Variants in PCDHA2 observed in about 807,000 individuals in gnomAD.
PCDHA2 encodes the protein protocadherin alpha-2.
PCDHA2 carries 58 observed loss-of-function variants against 66.0 expected under a neutral mutation model. That is an observed-to-expected ratio of 0.88 (90% CI 0.71 to 1.09). PCDHA2 has a LOEUF of 1.09. Among genes scored for constraint, PCDHA2 ranks in the 50% least tolerant of loss-of-function variants. PCDHA2 has a pLI of 0.00. For synonymous variants in PCDHA2, 634 were observed against 554.0 expected, an observed-to-expected ratio of 1.14 and a Z score of -2.03; for missense variants, 1,267 against 1,242.3, an observed-to-expected ratio of 1.02 and a Z score of -0.30.
At chr5:140,870,977 T>C in intron 1 of PCDHA2, 2 of 1,613,584 alleles carry the variant, frequency 1.2e-6, no homozygotes. Context: ...CGCGTGGGGC[T>C]GTACACGGGC....
chr5:140,985,739 CTTTTT>C (rs11372071), intron 3 of PCDHA2, among the ~76,000 whole-genome samples: 1 of 117,916 alleles, frequency 8.5e-6, no homozygotes, highest in Non-Finnish European at 1.7e-5. Context: ...TGATGAATTC[CTTTTT>C]TTTTTTTTTT....
Position 140,796,075 on chromosome 5 carries a change from C to G in PCDHA2, c.1111C>G (p.Leu371Val), listed in dbSNP as rs782104622. ...ENASLGTVIA[L>V]ITVSDRDSGT... ...CGCTTCCCTGGGCACTGTCATTGCTCTCATCACGGTGTCGGATCGCGACTC... is the reference window on the plus strand; with the variant it reads ...CGCTTCCCTGGGCACTGTCATTGCTGTCATCACGGTGTCGGATCGCGACTC... Residue 371 changes from leucine to valine, a missense_variant, in exon 1 of 4, where the codon CTC (leucine) becomes GTC (valine). Leu to Val is a conservative substitution (Grantham distance 32, BLOSUM62 1). Coordinates refer to ENST00000526136, the MANE Select transcript of PCDHA2 (RefSeq NM_018905.3). 5 of 1,614,104 alleles carry G rather than the reference C, an allele frequency of 3.1e-6. No individual in the cohort carries two copies. The Admixed American group carries it at 5.0e-5, about 16-fold the overall frequency.
chr5:140,847,746 C>A (rs145193370), intron 1 of PCDHA2: 2 of 149,840 alleles, frequency 1.3e-5, no homozygotes, highest in Non-Finnish European at 3.0e-5. Context: ...TTTCTCCCCA[C>A]GCAACACAAG....
intron 1 of PCDHA2, chr5:140,859,840 A>G (rs989673306): frequency 6.6e-6 from 1 of 152,134 alleles, no homozygotes; most frequent in South Asian, 2.1e-4. Flanking sequence ...TTGTTATTTT[A>G]TCAAATAGGT....
chr5:140,828,280 G>T, intron 1 of PCDHA2: 2 of 1,614,102 alleles, frequency 1.2e-6, no homozygotes, highest in Non-Finnish European at 1.7e-6. Context: ...TGCCGCGCCT[G>T]TTCAGGATGG....
rs146722772 is a variant in PCDHA2, at chr5:140,848,558, C to T, written c.2388+51206C>T. ...CTCTACTGCTCTCGCTTCTGATCCTCGCAATGTGGGTGGTGGGGAGCGGCC... is the reference window on the plus strand; with the variant it reads ...CTCTACTGCTCTCGCTTCTGATCCTTGCAATGTGGGTGGTGGGGAGCGGCC... On this transcript the variant is annotated intron_variant, in intron 1 of 3. Coordinates refer to ENST00000526136, the MANE Select transcript of PCDHA2 (RefSeq NM_018905.3). 8.8e-6 allele frequency: 14 copies of T among 1,595,498 alleles called. 1 individual carries two copies. In the African/African-American group the frequency reaches 1.6e-4, roughly 18 times the overall value.
chr5:140,967,472 G>A, intron 1 of PCDHA2: 1 of 1,613,430 alleles, frequency 6.2e-7, no homozygotes, highest in Non-Finnish European at 8.5e-7. Flanking sequence ...GGGCATCCCA[G>A]CCCGCTCGGG....
At chr5:140,842,039 C>A (rs2150327781) in intron 1 of PCDHA2, 4 of 1,613,698 alleles carry the variant, frequency 2.5e-6, no homozygotes, top group Admixed American at 3.3e-5. Flanking sequence ...TGATAATGCT[C>A]CCACTTTCGA....
chr5:140,934,555 CT>C (rs1355336850), intron 1 of PCDHA2, among the ~76,000 whole-genome samples: 2 of 151,972 alleles, frequency 1.3e-5, no homozygotes, highest in African/African-American at 2.4e-5. Context: ...ATCATTTCTT[CT>C]TTTTTTTAAT....
intron 1 of PCDHA2, among the ~76,000 whole-genome samples, chr5:140,938,975 C>T (rs1249900927): frequency 6.6e-6 from 1 of 152,188 alleles, no homozygotes; most frequent in African/African-American, 2.4e-5. Flanking sequence ...GGCATCAAGG[C>T]TATCCTGGCT....
rs782722148 is a variant in PCDHA2 at position 140,857,308 on chromosome 5, T to C, written c.2388+59956T>C. 3.4e-5 allele frequency: 54 copies of C among 1,598,232 alleles called. 3 individuals carry two copies. The highest frequency in any genetic ancestry group is 4.5e-5 in the Non-Finnish European group (53 of 1,167,612). On this transcript the variant is annotated intron_variant, in intron 1 of 3. Transcript: ENST00000526136. ...TGGACCGCGAGAGGGTGTCGGCCTA[T>C]GAGCTGGTGGTGACCGCGCGGGACG...
At chr5:140,898,366 A>G (rs1401153740) in intron 1 of PCDHA2, among the ~76,000 whole-genome samples, 1 of 152,132 alleles carries the variant, frequency 6.6e-6, no homozygotes, top group Non-Finnish European at 1.5e-5. Flanking sequence ...TAATTTTTGT[A>G]TAAGGTGTAA....
At chr5:140,910,387 T>C (rs540534807) in intron 1 of PCDHA2, among the ~76,000 whole-genome samples, 1 of 152,158 alleles carries the variant, frequency 6.6e-6, no homozygotes, top group Admixed American at 6.6e-5. Context: ...CCTTTGACAG[T>C]TGACTGGCCC....
chr5:140,983,807 G>T (rs1158459034), intron 3 of PCDHA2, among the ~76,000 whole-genome samples: 1 of 152,100 alleles, frequency 6.6e-6, no homozygotes, highest in African/African-American at 2.4e-5. Context: ...TGTGTAAAAG[G>T]TTTTTTCCCA....
At chr5:140,981,537 G>C (rs375537131) in intron 2 of PCDHA2, among the ~76,000 whole-genome samples, 2 of 152,290 alleles carry the variant, frequency 1.3e-5, no homozygotes, top group East Asian at 3.9e-4. Context: ...TCGTGCCACT[G>C]TACTCCAGCC....
intron 1 of PCDHA2, chr5:140,808,221 A>G (rs566917401): frequency 6.2e-7 from 1 of 1,614,226 alleles, no homozygotes; most frequent in African/African-American, 1.3e-5. Context: ...GACAACAACG[A>G]TAATGTCCCA....
chr5:140,822,889 A>G (rs1554128942), intron 1 of PCDHA2: 1 of 1,614,078 alleles, frequency 6.2e-7, no homozygotes, highest in East Asian at 2.2e-5. Flanking sequence ...TGCTCTGATC[A>G]GCGTGTCTGA....
chr5:140,887,153 G>C (rs950456487), intron 1 of PCDHA2, among the ~76,000 whole-genome samples: 1 of 151,288 alleles, frequency 6.6e-6, no homozygotes, highest in South Asian at 2.1e-4. Flanking sequence ...CTGGAGTACA[G>C]TGGCGTGATC....
intron 2 of PCDHA2, among the ~76,000 whole-genome samples, chr5:140,981,822 G>A (rs1229465317): frequency 6.6e-6 from 1 of 151,926 alleles, no homozygotes; most frequent in Non-Finnish European, 1.5e-5. Flanking sequence ...ATCTCTGCTT[G>A]CCTCTAAAGG....
Sources: allele counts gnomAD v4.1 joint callset (sites outside exome capture counted in the v4.1 genomes callset), GRCh38; gene constraint gnomAD v4.1.1; transcripts MANE v1.5; gene names NCBI Gene and HGNC (gene_info 2026-07-23, HGNC 2026-07-21).